The following OXNAD1 variants were observed in gnomAD, a reference collection of about 807,000 sequenced individuals.
The protein encoded by OXNAD1 is oxidoreductase NAD binding domain containing 1, also known as oxidoreductase NAD-binding domain-containing protein 1.
Under a neutral mutation model 32.9 loss-of-function variants are expected in OXNAD1, and 34 were observed. The observed-to-expected ratio is 1.03, with a 90% CI of 0.79 to 1.38. The LOEUF (loss-of-function observed/expected upper bound fraction) is 1.38, where lower values mean the gene tolerates loss of function less well. OXNAD1 is among the 40% of genes most tolerant of loss of function. The pLI, the probability that OXNAD1 is intolerant of heterozygous loss-of-function variation, is 0.00. For synonymous variants in OXNAD1, 134 were observed against 135.2 expected (o/e 0.99, Z 0.06); for missense variants, 407 against 379.4 (o/e 1.07, Z -0.60).
Position 16,294,874 on chromosome 3 carries a change from A to T in OXNAD1, c.309A>T (p.Pro103=), listed in dbSNP as rs762529511. The T allele has an allele frequency of 1.2e-6, 2 of 1,609,206 alleles. No homozygotes were observed. The highest frequency in any genetic ancestry group is 8.5e-7 in the Non-Finnish European group (1 of 1,177,518). ...KAGQWVDFFI[P]GVSVVGGFSI... ...TTTTTAGGGTTGATTTCTTTATTCC[A>T]GGAGTCTCTGTGGTTGGTGGGTTTT... The change falls in exon 6 of 9, where the codon CCA becomes CCT. Residue 103 remains proline, a synonymous_variant. Transcript: ENST00000285083.
intron 9 of OXNAD1, among the ~76,000 whole-genome samples, chr3:16,325,113 G>A (rs2069566099): frequency 6.6e-6 from 1 of 152,166 alleles, no homozygotes; most frequent in South Asian, 2.1e-4. Flanking sequence ...AAAAAGGAGG[G>A]AGAGAACTAA....
chr3:16,346,769 C>G lies in OXNAD1; in HGVS notation c.*31-2407C>G, dbSNP rs996677140. 4.6e-5 allele frequency among the ~76,000 whole-genome samples: 7 copies of G among 152,280 alleles called. No homozygotes were observed. The South Asian group carries it at 6.2e-4, about 14-fold the overall frequency. On this transcript the variant is annotated intron_variant, in intron 9 of 9. Transcript: ENST00000606098. The surrounding 1 kb of genome is among the most constrained non-coding windows in gnomAD (Gnocchi z 4.4). ...CTGCCCCGTTCTTCACGGTTGTCAT[C>G]ACATTTGCATGAGACACCTAGAATT... is the stretch of plus-strand genomic sequence containing the variant.
At chr3:16,281,744 C>T (rs2065754028) in intron 4 of OXNAD1, among the ~76,000 whole-genome samples, 1 of 152,010 alleles carries the variant, frequency 6.6e-6, no homozygotes, top group South Asian at 2.1e-4. Flanking sequence ...TCTCAGGTGT[C>T]TCAGCTGAAA....
At chr3:16,324,896 C>G (rs1323710964) in intron 9 of OXNAD1, among the ~76,000 whole-genome samples, 4 of 152,016 alleles carry the variant, frequency 2.6e-5, no homozygotes, top group Non-Finnish European at 5.9e-5. Flanking sequence ...TGAGAAACCT[C>G]TGTACTATTT....
At chr3:16,307,173 AC>A (rs1262574937), downstream of OXNAD1, among the ~76,000 whole-genome samples, 1 of 152,148 alleles carries the variant, frequency 6.6e-6, no homozygotes, top group Non-Finnish European at 1.5e-5. Flanking sequence ...CCTTTAGACG[AC>A]CAGTGAGATT....
chr3:16,291,282 C>T (rs1271873818), intron 5 of OXNAD1, among the ~76,000 whole-genome samples: 4 of 152,088 alleles, frequency 2.6e-5, no homozygotes, highest in Admixed American at 2.0e-4. Context: ...GAGATATATT[C>T]ATATAAAATT....
downstream of OXNAD1, among the ~76,000 whole-genome samples, chr3:16,306,263 C>T (rs572935859): frequency 3.5e-4 from 54 of 152,180 alleles, no homozygotes; most frequent in Non-Finnish European, 6.5e-4. Context: ...CATCCATCAC[C>T]CGGCTTCCAT....
chr3:16,336,164 C>T lies in OXNAD1; in HGVS notation c.*31-948C>T, dbSNP rs531680562. Among the ~76,000 whole-genome samples the T allele has an allele frequency of 1.6e-4, 25 of 152,354 alleles. No individual in the cohort carries two copies. In the South Asian group the frequency reaches 4.1e-3, roughly 25 times the overall value. The stretch of plus-strand genomic sequence containing the variant: ...CAAGTGGAAGGCAGATGCTGGAACA[C>T]GGCGGGCAGTGTTGCAGAAAACTCC... On this transcript the variant is annotated intron_variant, in intron 9 of 9. Transcript: ENST00000435829. This position sits in a 1 kb window ranked among gnomAD's most constrained non-coding sequence, Gnocchi z 6.0.
chr3:16,267,411 TTACCCTTACTA>T (rs1261842765), intron 1 of OXNAD1, among the ~76,000 whole-genome samples: 1 of 152,222 alleles, frequency 6.6e-6, no homozygotes, highest in South Asian at 2.1e-4. Context: ...GATAAAATTC[TTACCCTTACTA>T]TAGACTGCTG....
intron 4 of OXNAD1, chr3:16,272,200 G>A (rs1369002877): frequency 1.6e-5 from 7 of 450,190 alleles, no homozygotes; most frequent in South Asian, 9.5e-5. Context: ...GAAAGTGGAC[G>A]AGCTCTTGTT....
rs1412849658 is a variant in OXNAD1 at position 16,334,852 on chromosome 3, C to T, written c.*31-2260C>T. ...GTTTATCCAGGATTATCCAGGTGTGCCCAGTATAATCACAGGGGTCCTTAT... is the reference window on the plus strand; with the variant it reads ...GTTTATCCAGGATTATCCAGGTGTGTCCAGTATAATCACAGGGGTCCTTAT... On this transcript the variant is annotated intron_variant, in intron 9 of 9. Coordinates refer to the OXNAD1 transcript ENST00000435829. This position sits in a 1 kb window ranked among gnomAD's most constrained non-coding sequence, Gnocchi z 4.3. Among the ~76,000 whole-genome samples, 7 of 152,124 alleles carry T rather than the reference C, an allele frequency of 4.6e-5. No individual in the cohort carries two copies. Among genetic ancestry groups the T allele is most frequent in the Non-Finnish European group, 1.0e-4 (7 of 68,036 alleles).
At position 16,329,979 on chromosome 3, in the gene OXNAD1, C is replaced by T. The variant is rs188569736; in HGVS notation, c.*31-7133C>T. Reference sequence around the variant, plus strand: ...CCGCCTGCTTAGACAGACTGCAAACCGGCTGCTTCTATTTTGCTCCGTTTT... The same window carrying T: ...CCGCCTGCTTAGACAGACTGCAAACTGGCTGCTTCTATTTTGCTCCGTTTT... On this transcript the variant is annotated intron_variant, in intron 9 of 9. Transcript: ENST00000435829. The surrounding 1 kb of genome is among the most constrained non-coding windows in gnomAD (Gnocchi z 4.5). 5.9e-5 allele frequency among the ~76,000 whole-genome samples: 9 copies of T among 152,278 alleles called. No individual in the cohort carries two copies. Among genetic ancestry groups the T allele is most frequent in the Admixed American group, 2.6e-4 (4 of 15,288 alleles).
chr3:16,297,661 T>A lies in OXNAD1; in HGVS notation c.432+2664T>A, dbSNP rs890078487. Among the ~76,000 whole-genome samples the A allele has an allele frequency of 1.3e-5, 2 of 152,116 alleles. No individual in the cohort carries two copies. The highest frequency in any genetic ancestry group is 4.8e-5 in the African/African-American group (2 of 41,424). ...GTCATACAAGGGACTATTAAAGAGA[T>A]GAATTATTGATGCATGCAGCAATGT... On this transcript the variant is annotated intron_variant, in intron 6 of 8. Transcript: ENST00000285083. The surrounding 1 kb of genome is among the most constrained non-coding windows in gnomAD (Gnocchi z 4.3).
intron 2 of OXNAD1, among the ~76,000 whole-genome samples, chr3:16,270,658 A>G (rs527630996): frequency 1.3e-5 from 2 of 152,358 alleles, no homozygotes; most frequent in South Asian, 2.1e-4. Flanking sequence ...AAGATTAGTC[A>G]TGTGAACTTG....
In OXNAD1 at chr3:16,271,458, C is replaced by T. The variant is rs945991081; in HGVS notation, c.120-201C>T. ...ACGTCAGATGATCTGCCTGCCTCGG[C>T]CTCCCAAAGTGCTGAGATTACAGGC... On this transcript the variant is annotated intron_variant, in intron 3 of 8. Coordinates refer to ENST00000285083, the MANE Select transcript of OXNAD1 (RefSeq NM_138381.5). The surrounding 1 kb of genome is among the most constrained non-coding windows in gnomAD (Gnocchi z 4.6). 2.6e-5 allele frequency among the ~76,000 whole-genome samples: 4 copies of T among 152,170 alleles called. No homozygotes were observed. The highest frequency in any genetic ancestry group is 1.3e-4 in the Admixed American group (2 of 15,284).
rs537164042 is a variant in OXNAD1 at position 16,335,544 on chromosome 3, A to T, written c.*31-1568A>T. On this transcript the variant is annotated intron_variant, in intron 9 of 9. Coordinates refer to the OXNAD1 transcript ENST00000435829. The surrounding 1 kb of genome is among the most constrained non-coding windows in gnomAD (Gnocchi z 4.7). ...TCAAACACCACATGTTCTCACTTAC[A>T]AGTGGGAGAGCTGAACGGTGAAAAC... Among the ~76,000 whole-genome samples, 62 of 152,322 alleles carry T rather than the reference A, an allele frequency of 4.1e-4. No homozygotes were observed. Among genetic ancestry groups the T allele is most frequent in the Admixed American group, 2.5e-3 (39 of 15,304 alleles).
At chr3:16,319,169 C>A (rs13320396) in intron 9 of OXNAD1, among the ~76,000 whole-genome samples, 1 of 152,092 alleles carries the variant, frequency 6.6e-6, no homozygotes, top group East Asian at 1.9e-4. Context: ...CAGTCAGAGC[C>A]TCTTCACATT....
In OXNAD1 at chr3:16,303,292, G is replaced by A; in HGVS notation, c.785-116G>A. 8.2e-7 allele frequency: 1 copy of A among 1,224,976 alleles called. No individual in the cohort carries two copies. Among genetic ancestry groups the A allele is most frequent in the Non-Finnish European group, 1.2e-6 (1 of 861,254 alleles). 75.9% of individuals were successfully genotyped at this position (1,224,976 alleles called of 1,614,324 possible). On this transcript the variant is annotated intron_variant, in intron 8 of 8. Transcript: ENST00000285083. The surrounding 1 kb of genome is among the most constrained non-coding windows in gnomAD (Gnocchi z 4.8). ...AGCCATACTGTGAATGGCTTAAGAA[G>A]ACTAGACTCACTGAACTTGGAAATA... is the stretch of plus-strand genomic sequence containing the variant.
At chr3:16,269,963 A>G (rs2064811183) in intron 2 of OXNAD1, among the ~76,000 whole-genome samples, 1 of 152,222 alleles carries the variant, frequency 6.6e-6, no homozygotes, top group Non-Finnish European at 1.5e-5. Flanking sequence ...AAAGGAACCA[A>G]AAAGAAATAT....
Sources: allele counts gnomAD v4.1 joint callset (sites outside exome capture counted in the v4.1 genomes callset), GRCh38; gene constraint gnomAD v4.1.1; non-coding constraint Gnocchi (gnomAD v3.1); transcripts MANE v1.5; gene names NCBI Gene and HGNC (gene_info 2026-07-23, HGNC 2026-07-21).